Variants in FIG4 observed in about 807,000 individuals in gnomAD.
The protein encoded by FIG4 is FIG4 phosphoinositide 5-phosphatase, also known as polyphosphoinositide phosphatase.
FIG4 carries 112 observed loss-of-function variants against 118.6 expected under a neutral mutation model. The observed-to-expected ratio is 0.94, with a 90% CI of 0.81 to 1.11. The LOEUF (loss-of-function observed/expected upper bound fraction) is 1.11. Among genes scored for constraint, FIG4 ranks in the 50% least tolerant of loss-of-function variants. FIG4 has a pLI of 0.00. For synonymous variants in FIG4, 369 were observed against 381.2 expected, an observed-to-expected ratio of 0.97 and a Z score of 0.37; for missense variants, 969 against 1,111.7, an observed-to-expected ratio of 0.87 and a Z score of 1.83.
intron 16 of FIG4, 91 bp downstream of exon 16, chr6:109,777,151 ATAG>A: frequency 8.1e-7 from 1 of 1,237,726 alleles, no homozygotes; most frequent in Non-Finnish European, 1.1e-6. Flanking sequence ...ATAGGCTAAA[ATAG>A]TCAGTTTTAT....
chr6:109,792,498 A>G, intron 20 of FIG4, 84 bp from the exon 21 acceptor site: 1 of 824,624 alleles, frequency 1.2e-6, no homozygotes, highest in Non-Finnish European at 2.0e-6. Flanking sequence ...AAAAATTCAC[A>G]GTTTCATTTT....
chr6:109,761,707 G>GT (rs1397785967), intron 11 of FIG4, among the ~76,000 whole-genome samples: 6 of 152,142 alleles, frequency 3.9e-5, no homozygotes, highest in Admixed American at 6.6e-5. Context: ...TTATTTTGCA[G>GT]TTTTTTCTGC....
intron 3 of FIG4, among the ~76,000 whole-genome samples, chr6:109,718,399 G>A (rs1421268394): frequency 6.6e-6 from 1 of 152,174 alleles, no homozygotes; most frequent in Admixed American, 6.5e-5. Context: ...AATTAATATG[G>A]ACTTGACTAT....
chr6:109,774,432 C>T (rs1041172648), intron 15 of FIG4, among the ~76,000 whole-genome samples: 6 of 152,008 alleles, frequency 3.9e-5, no homozygotes, highest in South Asian at 2.1e-4. Context: ...GAACATATAC[C>T]TTTTTGCATA....
intron 10 of FIG4, among the ~76,000 whole-genome samples, chr6:109,756,455 C>G (rs918727119): frequency 1.3e-5 from 2 of 151,880 alleles, no homozygotes; most frequent in Non-Finnish European, 2.9e-5. Context: ...GTGGTGTTCT[C>G]TGTATTTCCT....
intron 22 of FIG4, among the ~76,000 whole-genome samples, chr6:109,822,891 CTA>C (rs902018270): frequency 9.8e-5 from 14 of 142,598 alleles, no homozygotes; most frequent in African/African-American, 2.9e-4. Flanking sequence ...TAAAGCATAA[CTA>C]TATATATATA....
At chr6:109,781,734 G>A (rs1050839002) in intron 16 of FIG4, among the ~76,000 whole-genome samples, 1 of 80,452 alleles carries the variant, frequency 1.2e-5, no homozygotes, top group African/African-American at 3.0e-5. Context: ...GTATTGAAAT[G>A]TGTACCTTTA....
intron 22 of FIG4, among the ~76,000 whole-genome samples, chr6:109,817,809 A>T (rs951286994): frequency 6.6e-6 from 1 of 152,018 alleles, no homozygotes; most frequent in Non-Finnish European, 1.5e-5. Context: ...CTCCTGGTTA[A>T]AATAAGAGGG....
chr6:109,821,890 A>C (rs1299623759), intron 22 of FIG4, among the ~76,000 whole-genome samples: 4 of 152,150 alleles, frequency 2.6e-5, no homozygotes, highest in Non-Finnish European at 5.9e-5. Flanking sequence ...AAGAAAAGTG[A>C]GAGGCCGGGT....
At chr6:109,730,548 A>C (rs1215080825) in intron 4 of FIG4, among the ~76,000 whole-genome samples, 2 of 152,232 alleles carry the variant, frequency 1.3e-5, no homozygotes, top group African/African-American at 4.8e-5. Context: ...AGTAAGCTAT[A>C]GTAAATAAGA....
At position 109,715,087 on chromosome 6, in the gene FIG4, C is replaced by A; in HGVS notation, c.76C>A (p.Leu26Ile). 4 of 1,569,414 alleles carry A rather than the reference C, an allele frequency of 2.5e-6. No individual in the cohort carries two copies. Among genetic ancestry groups the A allele is most frequent in the Non-Finnish European group, 3.5e-6 (4 of 1,139,846 alleles). Residue 26 changes from leucine (L) to isoleucine (I), a missense_variant, in exon 2 of 23, where the codon CTA (leucine) becomes ATA (isoleucine). Physicochemically the swap from Leu to Ile is conservative, Grantham distance 5 (BLOSUM62 2). This residue lies in a region of FIG4 where 393 missense variants were observed against 409.4 expected (regional missense o/e 0.96). Transcript: ENST00000230124. Reference protein sequence around the residue: ...VLYETRARYFLVGSNNAETKY... With the variant: ...VLYETRARYFIVGSNNAETKY... ...TCCTTTTTATTTATAGAGATACTTT[C>A]TAGTTGGGAGCAATAATGCAGAAAC...
At chr6:109,786,022 A>G in intron 17 of FIG4, 1 of 429,218 alleles carries the variant, frequency 2.3e-6, no homozygotes, top group Non-Finnish European at 4.2e-6. Flanking sequence ...AAAGGAATTT[A>G]AAGAACCTCC....
chr6:109,693,427 G>A (rs766015401), intron 1 of FIG4, among the ~76,000 whole-genome samples: 1 of 152,150 alleles, frequency 6.6e-6, no homozygotes, highest in Non-Finnish European at 1.5e-5. Context: ...CTCAATAGAT[G>A]TGGATTAAGG....
intron 21 of FIG4, among the ~76,000 whole-genome samples, chr6:109,794,264 C>G (rs1778216370): frequency 6.6e-6 from 1 of 152,210 alleles, no homozygotes; most frequent in Non-Finnish European, 1.5e-5. Context: ...AATAGCGCAG[C>G]AAGTAGAGCC....
At chr6:109,796,042 G>A (rs1002621529) in intron 21 of FIG4, among the ~76,000 whole-genome samples, 10 of 152,210 alleles carry the variant, frequency 6.6e-5, no homozygotes, top group Non-Finnish European at 1.5e-4. Context: ...AAAGCTGCTG[G>A]GTATCCTCTC....
chr6:109,714,424 C>T (rs1775366287), intron 1 of FIG4, among the ~76,000 whole-genome samples: 1 of 152,190 alleles, frequency 6.6e-6, no homozygotes, highest in Non-Finnish European at 1.5e-5. Flanking sequence ...TGCCTCTAGT[C>T]AGCCATCTTG....
intron 19 of FIG4, 130 bp downstream of exon 19, chr6:109,789,807 T>C: frequency 1.4e-6 from 1 of 694,748 alleles, no homozygotes; most frequent in Admixed American, 2.1e-5. Flanking sequence ...ATCACTAAGG[T>C]GTTCAATACT....
At chr6:109,752,696 T>C (rs1383691914) in intron 10 of FIG4, among the ~76,000 whole-genome samples, 1 of 152,218 alleles carries the variant, frequency 6.6e-6, no homozygotes, top group East Asian at 1.9e-4. Context: ...GTTTGTTTTT[T>C]TCTTGTAAAT....
chr6:109,778,351 T>A (rs1777681379), intron 16 of FIG4, among the ~76,000 whole-genome samples: 1 of 150,450 alleles, frequency 6.6e-6, no homozygotes, highest in South Asian at 2.1e-4. Context: ...GTGCCTGTAA[T>A]CCCAGCTACT....
Sources: allele counts gnomAD v4.1 joint callset (sites outside exome capture counted in the v4.1 genomes callset), GRCh38; gene constraint gnomAD v4.1.1; regional missense constraint gnomAD v4.1.1; transcripts MANE v1.5; gene names NCBI Gene and HGNC (gene_info 2026-07-23, HGNC 2026-07-21).